The following RSU1 variants were observed in gnomAD, a reference collection of about 807,000 sequenced individuals.
RSU1 encodes the protein rsu-1.
RSU1 carries 26 observed loss-of-function variants against 31.1 expected under a neutral mutation model. The observed-to-expected ratio is 0.84, with a 90% confidence interval of 0.61 to 1.16. The LOEUF (loss-of-function observed/expected upper bound fraction) is 1.16. RSU1 is among the 50% of genes most tolerant of loss of function. RSU1 has a pLI of 0.00. For missense variants in RSU1, 320 were observed against 339.1 expected (o/e 0.94, Z 0.44); for synonymous variants, 164 against 136.3 (o/e 1.20, Z -1.41).
rs770529236 is a variant in RSU1 at position 16,645,885 on chromosome 10, TAC to T, written c.731+49136_731+49137del. Among the ~76,000 whole-genome samples, 12 of 98,644 alleles carry T rather than the reference TAC, an allele frequency of 1.2e-4. 2 individuals carry two copies. The highest frequency in any genetic ancestry group is 2.1e-4 in the Non-Finnish European group (11 of 52,294). 64.7% of individuals were successfully genotyped at this position (98,644 alleles called of 152,430 possible). ...ACGTATATATACATATATGTGTATA[TAC>T]ATATATGTATATACACATATATGTA... On this transcript the variant is annotated intron_variant, in intron 8 of 8. Coordinates refer to ENST00000345264, the MANE Select transcript of RSU1 (RefSeq NM_012425.4).
intron 3 of RSU1, among the ~76,000 whole-genome samples, chr10:16,776,996 G>A (rs552451629): frequency 7.3e-5 from 11 of 151,626 alleles, no homozygotes; most frequent in East Asian, 1.9e-4. Flanking sequence ...CAATGTTTAC[G>A]TGTGGGTTTT....
intron 3 of RSU1, among the ~76,000 whole-genome samples, chr10:16,780,892 T>C (rs942615668): frequency 1.3e-5 from 2 of 152,240 alleles, no homozygotes; most frequent in Admixed American, 1.3e-4. Context: ...GTGTGACAAC[T>C]GTGCCGTCAC....
At chr10:16,625,349 C>T (rs1834136694) in intron 8 of RSU1, among the ~76,000 whole-genome samples, 1 of 152,176 alleles carries the variant, frequency 6.6e-6, no homozygotes, top group Admixed American at 6.5e-5. Context: ...GCCGGAGGCT[C>T]ACCTATCCCT....
intron 2 of RSU1, among the ~76,000 whole-genome samples, chr10:16,811,891 G>A (rs1412918269): frequency 6.6e-6 from 1 of 152,182 alleles, no homozygotes; most frequent in Non-Finnish European, 1.5e-5. Flanking sequence ...ACTATGCCAA[G>A]TAGAGAGACA....
At chr10:16,744,394 G>GAATAAAAAA (rs2131613087) in intron 7 of RSU1, among the ~76,000 whole-genome samples, 1 of 152,178 alleles carries the variant, frequency 6.6e-6, no homozygotes, top group Non-Finnish European at 1.5e-5. Flanking sequence ...AATTCTGGGA[G>GAATAAAAAA]AATAAAAAAA....
intron 3 of RSU1, among the ~76,000 whole-genome samples, chr10:16,773,999 A>G (rs1028603573): frequency 1.3e-5 from 2 of 152,114 alleles, no homozygotes; most frequent in Non-Finnish European, 2.9e-5. Flanking sequence ...ACGCAAGGTC[A>G]ATGAGTTTGT....
intron 7 of RSU1, among the ~76,000 whole-genome samples, chr10:16,701,954 A>C (rs896971884): frequency 1.3e-5 from 2 of 152,244 alleles, no homozygotes; most frequent in Admixed American, 1.3e-4. Flanking sequence ...TTTATGTTTT[A>C]AACCTGGCAT....
At position 16,711,880 on chromosome 10, in the gene RSU1, A is replaced by G. The variant is rs544733343; in HGVS notation, c.599-16725T>C. Among the ~76,000 whole-genome samples, 7 of 152,284 alleles carry G rather than the reference A, an allele frequency of 4.6e-5. No individual in the cohort carries two copies. In the East Asian group the frequency reaches 1.2e-3, roughly 25 times the overall value. On this transcript the variant is annotated intron_variant, in intron 7 of 8. Coordinates refer to ENST00000345264, the MANE Select transcript of RSU1 (RefSeq NM_012425.4). ...CTGCAGCTGTTAAAATGTTCTGTAAATATCTGCTAGGTGCATTAGGTCTTT... is the reference window on the plus strand; with the variant it reads ...CTGCAGCTGTTAAAATGTTCTGTAAGTATCTGCTAGGTGCATTAGGTCTTT...
At chr10:16,664,778 C>T (rs1359028675) in intron 8 of RSU1, among the ~76,000 whole-genome samples, 5 of 152,164 alleles carry the variant, frequency 3.3e-5, no homozygotes. Flanking sequence ...AAGTCTTTAG[C>T]AGTTTAGAGA....
intron 8 of RSU1, among the ~76,000 whole-genome samples, chr10:16,690,274 G>C (rs1339443929): frequency 6.6e-6 from 1 of 152,116 alleles, no homozygotes; most frequent in African/African-American, 2.4e-5. Context: ...ATAACTCAGC[G>C]ACAGTTTAAA....
At position 16,591,192 on chromosome 10, in the gene RSU1, A is replaced by T. The variant is rs1046112696; in HGVS notation, c.*2202T>A. ...CTCCCAAAGTGTTAGGATTACAGGC[A>T]TGAGCCACTGTGCCTGGCCGTTGTT... is the stretch of plus-strand genomic sequence containing the variant. On this transcript the variant is annotated 3_prime_UTR_variant, in exon 9 of 9. Coordinates refer to ENST00000345264, the MANE Select transcript of RSU1 (RefSeq NM_012425.4). The T allele has an allele frequency of 6.6e-6, 1 of 152,278 alleles. No homozygotes were observed. Among genetic ancestry groups the T allele is most frequent in the African/African-American group, 2.4e-5 (1 of 41,466 alleles). 9.4% of individuals were successfully genotyped at this position (152,278 alleles called of 1,614,324 possible).
chr10:16,776,733 C>A (rs918205761), intron 3 of RSU1, among the ~76,000 whole-genome samples: 1 of 148,412 alleles, frequency 6.7e-6, no homozygotes, highest in African/African-American at 2.5e-5. Context: ...TTGCACAGAG[C>A]AAAAAGATAT....
chr10:16,677,624 CA>C (rs1313630849), intron 8 of RSU1, among the ~76,000 whole-genome samples: 1 of 152,088 alleles, frequency 6.6e-6, no homozygotes, highest in African/African-American at 2.4e-5. Flanking sequence ...AACCATGTTC[CA>C]AAAATTTATA....
In RSU1 at chr10:16,815,616, G is replaced by C. The variant is rs1301575503; in HGVS notation, c.109+1357C>G. On this transcript the variant is annotated intron_variant, in intron 2 of 8. Coordinates refer to ENST00000345264, the MANE Select transcript of RSU1 (RefSeq NM_012425.4). ...AGGCACTATTATTAAAAAAATGCAA[G>C]CATGAATATTGCACAGCTTTTGTCT... is the stretch of plus-strand genomic sequence containing the variant. 5.9e-5 allele frequency among the ~76,000 whole-genome samples: 9 copies of C among 152,118 alleles called. No individual in the cohort carries two copies. In the East Asian group the frequency reaches 1.7e-3, roughly 29 times the overall value.
At chr10:16,620,303 T>C (rs148215704) in intron 8 of RSU1, among the ~76,000 whole-genome samples, 86 of 152,290 alleles carry the variant, frequency 5.6e-4, no homozygotes, top group African/African-American at 1.8e-3. Context: ...TAGTGGATGA[T>C]AGTGAAGTAA....
chr10:16,708,516 A>G (rs949138450), intron 7 of RSU1, among the ~76,000 whole-genome samples: 1 of 152,012 alleles, frequency 6.6e-6, no homozygotes, highest in Non-Finnish European at 1.5e-5. Flanking sequence ...GGTTGGTGTG[A>G]TACCTGCAGG....
intron 3 of RSU1, among the ~76,000 whole-genome samples, chr10:16,777,138 C>T (rs1837549829): frequency 6.6e-6 from 1 of 152,044 alleles, no homozygotes; most frequent in African/African-American, 2.4e-5. Context: ...TTCTCCCCAA[C>T]ACAATGGAAT....
chr10:16,782,009 G>GT (rs1837661434), intron 3 of RSU1, 25 bp downstream of exon 3: 1 of 1,604,700 alleles, frequency 6.2e-7, no homozygotes, highest in Admixed American at 1.7e-5. Flanking sequence ...GTCAGAAACT[G>GT]TAACAAATGA....
chr10:16,682,856 A>G (rs955908614), intron 8 of RSU1, among the ~76,000 whole-genome samples: 12 of 152,174 alleles, frequency 7.9e-5, no homozygotes, highest in Admixed American at 4.6e-4. Context: ...ATCACATGAC[A>G]CAGACCCTCC....
Sources: allele counts gnomAD v4.1 joint callset (sites outside exome capture counted in the v4.1 genomes callset), GRCh38; gene constraint gnomAD v4.1.1; transcripts MANE v1.5; gene names NCBI Gene and HGNC (gene_info 2026-07-23, HGNC 2026-07-21).